RP1L1: variants seen among roughly 807,000 people sequenced by gnomAD.
RP1L1 encodes RP1 like 1.
In RP1L1, 27 loss-of-function variants were observed where a neutral mutation model predicts 15.7. The observed-to-expected ratio is 1.72, with a 90% CI of 1.27 to 2.38. RP1L1 has a LOEUF of 2.38. Ranked by LOEUF, RP1L1 falls within the 30% of genes most tolerant of loss-of-function variation. The pLI is 0.00. For synonymous variants in RP1L1, 1,813 were observed against 1,276.7 expected (o/e 1.42, Z -8.96); for missense variants, 4,798 against 3,075.9 (o/e 1.56, Z -13.24).
At chr8:10,640,010 GT>G (rs1334208476) in intron 1 of RP1L1, among the ~76,000 whole-genome samples, 1 of 152,160 alleles carries the variant, frequency 6.6e-6, no homozygotes, top group East Asian at 1.9e-4. Flanking sequence ...ATGGTCAGGG[GT>G]TTTGTTTGTT....
intron 2 of RP1L1, chr8:10,621,821 ATAGTGGCTTCCAGCAGAGG>A: frequency 2.1e-6 from 1 of 473,990 alleles, no homozygotes; most frequent in Non-Finnish European, 4.3e-6. Flanking sequence ...CTCAATAATC[ATAGTGGCTTCCAGCAGAGG>A]TAGTAGCTTC....
Position 10,611,758 on chromosome 8 carries a change from T to A in RP1L1, c.2340A>T (p.Thr780=). The A allele has an allele frequency of 6.2e-7, 1 of 1,613,478 alleles. No homozygotes were observed. The highest frequency in any genetic ancestry group is 8.5e-7 in the Non-Finnish European group (1 of 1,179,932). ...TCSPAPIPPH[T]SDSCSKSGAA... ...CCCCAGATTTTGAGCAGGAGTCGGA[T>A]GTGTGGGGAGGTATGGGGGCCGGCG... The change falls in exon 4 of 4, where the codon ACA becomes ACT. Residue 780 remains threonine, a synonymous_variant. Coordinates refer to ENST00000382483, the MANE Select transcript of RP1L1 (RefSeq NM_178857.6).
intron 1 of RP1L1, among the ~76,000 whole-genome samples, chr8:10,635,167 T>G (rs1288791208): frequency 6.6e-6 from 1 of 152,190 alleles, no homozygotes; most frequent in African/African-American, 2.4e-5. Context: ...GGCCACGGCA[T>G]GTCCTTGAGG....
chr8:10,609,761 C>G lies in RP1L1; in HGVS notation c.4337G>C (p.Gly1446Ala). ...SASAEPCPAE[G>A]TEEPTEPPSH... ...AGGGGGCTCTGTGGGTTCCTCTGTG[C>G]CCTCTGCGGGGCACGGCTCTGCAGA... Residue 1446 changes from glycine (G) to alanine (A), a missense_variant, in exon 4 of 4, where the codon GGC becomes GCC. Coordinates refer to ENST00000382483, the MANE Select transcript of RP1L1 (RefSeq NM_178857.6). The G allele has an allele frequency of 6.2e-7, 1 of 1,613,580 alleles. No individual in the cohort carries two copies. The highest frequency in any genetic ancestry group is 1.1e-5 in the South Asian group (1 of 91,076).
At chr8:10,614,662 A>C (rs796793724) in intron 3 of RP1L1, among the ~76,000 whole-genome samples, 3 of 59,198 alleles carry the variant, frequency 5.1e-5, no homozygotes, top group African/African-American at 1.5e-4. Context: ...TTCTGTCGTC[A>C]AAAAAAAAAA....
intron 1 of RP1L1, among the ~76,000 whole-genome samples, chr8:10,627,620 GGTGT>G (rs1563133690): frequency 2.8e-4 from 42 of 149,964 alleles, no homozygotes; most frequent in African/African-American, 1.0e-3. Context: ...AATTCTATCT[GGTGT>G]GTATTTTATC....
chr8:10,612,251 G>A lies in RP1L1; in HGVS notation c.1847C>T (p.Ser616Phe), dbSNP rs1563125024. The part of the protein sequence containing the change: ...VTREPLVLGL[S>F]CSWDSEGASS... ...GGCTCCTTCCGAGTCCCAGGAGCAG[G>A]AAAGGCCCAGAACCAGAGGCTCCCT... Residue 616 changes from serine to phenylalanine, a missense_variant, in exon 4 of 4, where the codon TCC (serine) becomes TTC (phenylalanine). Coordinates refer to ENST00000382483, the MANE Select transcript of RP1L1 (RefSeq NM_178857.6). The A allele has an allele frequency of 1.2e-6, 2 of 1,613,224 alleles. No homozygotes were observed. Among genetic ancestry groups the A allele is most frequent in the Non-Finnish European group, 1.7e-6 (2 of 1,179,988 alleles).
intron 1 of RP1L1, among the ~76,000 whole-genome samples, chr8:10,631,315 G>GCA (rs1563135253): frequency 4.3e-5 from 3 of 69,100 alleles, no homozygotes; most frequent in Non-Finnish European, 1.0e-4. Context: ...GCACACACAC[G>GCA]CACACACGCA....
chr8:10,651,970 T>G (rs1043986684), intron 1 of RP1L1, among the ~76,000 whole-genome samples: 1 of 152,168 alleles, frequency 6.6e-6, no homozygotes. Context: ...CTGTTTCTTT[T>G]CCATGTTTAG....
Position 10,609,054 on chromosome 8 carries a change from G to C in RP1L1, c.5044C>G (p.Pro1682Ala), listed in dbSNP as rs1409277007. The C allele has an allele frequency of 1.2e-6, 2 of 1,613,690 alleles. No individual in the cohort carries two copies. The highest frequency in any genetic ancestry group is 1.3e-5 in the African/African-American group (1 of 74,930). The change falls in exon 4 of 4, where the codon CCC (proline) becomes GCC (alanine). Residue 1682 changes from proline (P) to alanine (A), a missense_variant. Pro to Ala is a conservative substitution (Grantham distance 27). Transcript: ENST00000382483. ...TGCAGGTCAAAGGCCTCTTTGATGG[G>C]ACCTCTGGTTGCCCCCATTGTGGCC... ...PKATMGATRG[P>A]IKEAFDLQQI...
rs1309458194 is a variant in RP1L1 at position 10,610,196 on chromosome 8, AC to A, written c.3901del (p.Val1301CysfsTer3). Reference sequence around the variant, plus strand: ...TCCTTCTTTAGTTTCCTCTAATTGCACCTCTTCTTGCACTGTGTTTTCAGCT... The same window carrying A: ...TCCTTCTTTAGTTTCCTCTAATTGCACTCTTCTTGCACTGTGTTTTCAGCT... Reference protein sequence around the residue: ...QLAENTVQEEVQLEETKEGTE... With the variant: ...QLAENTVQEEXQLEETKEGTE... On this transcript the variant is annotated frameshift_variant, in exon 4 of 4. Transcript: ENST00000382483. LOFTEE classifies it low-confidence loss of function (END_TRUNC). The A allele has an allele frequency of 2.3e-6, 3 of 1,307,618 alleles. No homozygotes were observed. The Admixed American group carries it at 7.0e-5, about 30-fold the overall frequency. 81.0% of individuals were successfully genotyped at this position (1,307,618 alleles called of 1,614,324 possible).
intron 1 of RP1L1, among the ~76,000 whole-genome samples, chr8:10,652,438 A>G (rs893489475): frequency 4.6e-5 from 7 of 150,952 alleles, no homozygotes; most frequent in Admixed American, 1.3e-4. Flanking sequence ...ATCTCCTGCT[A>G]TGCACCAGAC....
intron 1 of RP1L1, among the ~76,000 whole-genome samples, chr8:10,647,236 A>T (rs917181004): frequency 6.6e-6 from 1 of 152,136 alleles, no homozygotes; most frequent in Non-Finnish European, 1.5e-5. Context: ...AATCCTAACG[A>T]ATGTCCGCCC....
At position 10,611,953 on chromosome 8, in the gene RP1L1, G is replaced by A. The variant is rs373894974; in HGVS notation, c.2145C>T (p.Ala715=). ...SGSSSSTRTQ[A]SGNLRPPSSG... ...AGGAGGGAGGTCTCAGGTTCCCAGA[G>A]GCCTGTGTCCTGGTGCTCGATGAGC... is the stretch of plus-strand genomic sequence containing the variant. Residue 715 remains alanine (A), a synonymous_variant, in exon 4 of 4, where the codon GCC becomes GCT. Transcript: ENST00000382483. 3.1e-6 allele frequency: 5 copies of A among 1,613,930 alleles called. No homozygotes were observed. The highest frequency in any genetic ancestry group is 1.1e-5 in the South Asian group (1 of 91,086).
chr8:10,647,405 T>C (rs1446759069), intron 1 of RP1L1, among the ~76,000 whole-genome samples: 1 of 152,158 alleles, frequency 6.6e-6, no homozygotes, highest in African/African-American at 2.4e-5. Flanking sequence ...TCAAGCACAT[T>C]TCTTGTTATG....
chr8:10,609,112 G>C lies in RP1L1; in HGVS notation c.4986C>G (p.Cys1662Trp). The stretch of plus-strand genomic sequence containing the variant: ...ACATAGGGCTCACTTTCTTCCTCAC[G>C]CAGGCCTCGCAGGGACAGAACTCCT... ...EGEEFCPCEA[C>W]VRKKVSPMSP... The change falls in exon 4 of 4, where the codon TGC becomes TGG. Residue 1662 changes from cysteine to tryptophan, a missense_variant. By Grantham distance (215) the Cys-to-Trp change is radical. Transcript: ENST00000382483. The C allele has an allele frequency of 3.1e-6, 5 of 1,613,292 alleles. No individual in the cohort carries two copies. Among genetic ancestry groups the C allele is most frequent in the Non-Finnish European group, 4.2e-6 (5 of 1,179,466 alleles).
At chr8:10,613,826 C>T (rs1426429852) in intron 3 of RP1L1, among the ~76,000 whole-genome samples, 2 of 151,880 alleles carry the variant, frequency 1.3e-5, no homozygotes, top group Non-Finnish European at 2.9e-5. Flanking sequence ...AAGGGCAGAG[C>T]TATTCTAGAA....
chr8:10,614,958 T>C (rs11775769), intron 3 of RP1L1, among the ~76,000 whole-genome samples: 98,266 of 152,158 alleles, frequency 0.65, 32,867 homozygotes, highest in Middle Eastern at 0.76. Flanking sequence ...TTCCATCTCC[T>C]GAGCCAACAT....
chr8:10,614,661 CAAAA>C (rs772003815), intron 3 of RP1L1, among the ~76,000 whole-genome samples: 6 of 75,592 alleles, frequency 7.9e-5, no homozygotes, highest in African/African-American at 1.7e-4. Flanking sequence ...ATTCTGTCGT[CAAAA>C]AAAAAAAAAA....
Sources: allele counts gnomAD v4.1 joint callset (sites outside exome capture counted in the v4.1 genomes callset), GRCh38; gene constraint gnomAD v4.1.1; transcripts MANE v1.5; gene names NCBI Gene and HGNC (gene_info 2026-07-23, HGNC 2026-07-21).